The following GLE1 variants were observed in gnomAD, a reference collection of about 807,000 sequenced individuals.
GLE1 encodes mRNA export factor GLE1.
A neutral mutation model predicts 97.3 loss-of-function variants in GLE1; 78 were observed. That is an observed-to-expected ratio of 0.80 (90% CI 0.67 to 0.97). GLE1 has a LOEUF of 0.97. Ranked by LOEUF, GLE1 falls within the 50% of genes least tolerant of loss-of-function variation. The pLI is 0.00. For missense variants in GLE1, 753 were observed against 857.5 expected, an observed-to-expected ratio of 0.88 and a Z score of 1.52; for synonymous variants, 302 against 313.4, an observed-to-expected ratio of 0.96 and a Z score of 0.39.
intron 12 of GLE1, among the ~76,000 whole-genome samples, chr9:128,537,616 C>G (rs1847756585): frequency 6.6e-6 from 1 of 151,958 alleles, no homozygotes; most frequent in Non-Finnish European, 1.5e-5. Context: ...CCAGCCTGGG[C>G]AACAAGGTGA....
rs1483057363 is a variant in GLE1, at chr9:128,539,819, A to C, written c.1964+121A>C. On this transcript the variant is annotated intron_variant, in intron 14 of 15. Transcript: ENST00000309971. The stretch of plus-strand genomic sequence containing the variant: ...GTTAAAAACACCTGTACTAAGTATG[A>C]CATCTTTCCTACTCCAGTCCCTCTC... The C allele has an allele frequency of 5.7e-6, 9 of 1,571,906 alleles. No individual in the cohort carries two copies. The Admixed American group carries it at 1.5e-4, about 26-fold the overall frequency.
chr9:128,523,402 C>G, intron 5 of GLE1, 62 bp downstream of exon 5: 1 of 1,487,838 alleles, frequency 6.7e-7, no homozygotes, highest in Non-Finnish European at 9.4e-7. Context: ...GCCTGGAGAG[C>G]CAGGTTTTGG....
intron 12 of GLE1, 140 bp downstream of exon 12, chr9:128,536,624 T>G (rs1847719779): frequency 4.1e-6 from 3 of 739,612 alleles, no homozygotes; most frequent in Admixed American, 2.1e-5. Flanking sequence ...ATGGGTATTA[T>G]GTAGAGGACT....
chr9:128,519,298 G>A (rs982361928), intron 3 of GLE1, among the ~76,000 whole-genome samples: 4 of 152,202 alleles, frequency 2.6e-5, no homozygotes, highest in South Asian at 4.1e-4. Context: ...AACTCTGACC[G>A]CCGGTGAGCT....
chr9:128,538,072 C>A lies in GLE1; in HGVS notation c.1863C>A (p.Leu621=), dbSNP rs1847774875. Residue 621 remains leucine (L), a synonymous_variant, in exon 13 of 16, where the codon CTC becomes CTA. Coordinates refer to ENST00000309971, the MANE Select transcript of GLE1 (RefSeq NM_001003722.2). ...MEPLSDVTAT[L]LFDFLEVCGN... is the part of the protein sequence containing the mutation. ...CCTTGTCAGATGTGACAGCCACCCTCCTCTTTGACTTCCTGGAGGTACGTA... is the reference window on the plus strand; with the variant it reads ...CCTTGTCAGATGTGACAGCCACCCTACTCTTTGACTTCCTGGAGGTACGTA... 6 of 1,596,432 alleles carry A rather than the reference C, an allele frequency of 3.8e-6. No homozygotes were observed. Among genetic ancestry groups the A allele is most frequent in the Non-Finnish European group, 5.2e-6 (6 of 1,163,966 alleles).
At position 128,541,812 on chromosome 9, in the gene GLE1, CTT is replaced by C. The variant is rs1422319281; in HGVS notation, c.*644_*645del. The C allele has an allele frequency of 6.6e-6, 1 of 152,186 alleles. No homozygotes were observed. The highest frequency in any genetic ancestry group is 1.5e-5 in the Non-Finnish European group (1 of 68,060). 9.4% of individuals were successfully genotyped at this position (152,186 alleles called of 1,614,324 possible). On this transcript the variant is annotated 3_prime_UTR_variant, in exon 16 of 16. Transcript: ENST00000309971. ...ATGTCATTTTGAACTAAGGGAAACT[CTT>C]TGTCATCCTAATTTGGAATTTGGTC...
intron 1 of GLE1, among the ~76,000 whole-genome samples, chr9:128,507,731 T>C (rs1846682020): frequency 7.2e-6 from 1 of 138,730 alleles, no homozygotes; most frequent in Non-Finnish European, 1.5e-5. Context: ...CTAGTAATAA[T>C]ACAAAAATTA....
At position 128,533,956 on chromosome 9, in the gene GLE1, A is replaced by C; in HGVS notation, c.1646+5A>C. The C allele has an allele frequency of 6.3e-7, 1 of 1,593,656 alleles. No homozygotes were observed. Among genetic ancestry groups the C allele is most frequent in the African/African-American group, 1.3e-5 (1 of 74,646 alleles). ...GGCTTTGGAAGACTATCAGAGGTAA[A>C]GTTGTTTTTCTCCCTACTCACTATC... On this transcript the variant is annotated splice_donor_5th_base_variant and intron_variant, in intron 11 of 15. Coordinates refer to ENST00000309971, the MANE Select transcript of GLE1 (RefSeq NM_001003722.2).
intron 7 of GLE1, among the ~76,000 whole-genome samples, chr9:128,526,595 G>A (rs1201542672): frequency 3.9e-5 from 6 of 152,038 alleles, no homozygotes; most frequent in Admixed American, 3.9e-4. Flanking sequence ...CCGACCTCAG[G>A]TGATCTGCCA....
chr9:128,515,089 G>T (rs1042200593), intron 2 of GLE1, among the ~76,000 whole-genome samples: 2 of 152,192 alleles, frequency 1.3e-5, no homozygotes, highest in African/African-American at 4.8e-5. Context: ...AAAGTACTGG[G>T]ATTACAGGCG....
chr9:128,519,216 A>G (rs1202308875), intron 3 of GLE1, among the ~76,000 whole-genome samples: 1 of 152,218 alleles, frequency 6.6e-6, no homozygotes, highest in East Asian at 1.9e-4. Context: ...TGTTTGAACA[A>G]TATGAAATCT....
chr9:128,515,991 G>A (rs1402743997), intron 3 of GLE1, among the ~76,000 whole-genome samples: 2 of 130,260 alleles, frequency 1.5e-5, no homozygotes, highest in Admixed American at 8.3e-5. Flanking sequence ...TGCTCTTGTT[G>A]CCCAGGCTGG....
intron 15 of GLE1, 59 bp from the exon 16 acceptor site, chr9:128,541,041 TAA>T: frequency 1.1e-6 from 1 of 927,348 alleles, no homozygotes; most frequent in Non-Finnish European, 1.8e-6. Flanking sequence ...TTTTAACCAT[TAA>T]GTGTTGGGAA....
intron 11 of GLE1, among the ~76,000 whole-genome samples, chr9:128,535,965 C>T (rs375293655): frequency 2.0e-5 from 3 of 152,100 alleles, no homozygotes; most frequent in African/African-American, 7.2e-5. Flanking sequence ...GACAGAGACT[C>T]TGTTTCCCAA....
intron 9 of GLE1, among the ~76,000 whole-genome samples, chr9:128,530,198 C>T (rs1589064510): frequency 6.6e-6 from 1 of 152,176 alleles, no homozygotes; most frequent in African/African-American, 2.4e-5. Flanking sequence ...TGGTTTATTC[C>T]TTTCTTCTGA....
intron 14 of GLE1, 51 bp downstream of exon 14, chr9:128,539,749 G>C: frequency 6.2e-7 from 1 of 1,613,614 alleles, no homozygotes; most frequent in Non-Finnish European, 8.5e-7. Context: ...TCATAACCAG[G>C]CCTCAGATAC....
intron 3 of GLE1, among the ~76,000 whole-genome samples, chr9:128,521,379 T>G (rs1056383004): frequency 3.3e-5 from 5 of 151,744 alleles, no homozygotes; most frequent in Non-Finnish European, 7.4e-5. Context: ...ATAAAAAATT[T>G]AAAAATTAGC....
intron 1 of GLE1, among the ~76,000 whole-genome samples, chr9:128,507,840 A>G (rs533158229): frequency 1.0e-3 from 151 of 151,572 alleles, no homozygotes; most frequent in African/African-American, 3.6e-3. Flanking sequence ...GTGAGCTGAG[A>G]TCGTGCCACT....
chr9:128,514,470 G>A (rs1846919497), intron 2 of GLE1, among the ~76,000 whole-genome samples: 8 of 141,098 alleles, frequency 5.7e-5, no homozygotes, highest in Admixed American at 4.3e-4. Context: ...TTTTTGAGAC[G>A]GAGTCTCTGT....
Sources: gnomAD v4.1 joint callset for allele counts (sites outside exome capture counted in the v4.1 genomes callset) on GRCh38, gnomAD v4.1.1 for gene constraint, MANE v1.5 for transcripts, NCBI Gene and HGNC (gene_info 2026-07-23, HGNC 2026-07-21) for gene names.